PIK3C2B: variants seen among roughly 807,000 people sequenced by gnomAD.
PIK3C2B encodes the protein phosphatidylinositol-4-phosphate 3-kinase catalytic subunit type 2 beta.
In PIK3C2B, 83 loss-of-function variants were observed where a neutral mutation model predicts 184.3. The observed-to-expected ratio is 0.45, with a 90% CI of 0.38 to 0.54. PIK3C2B has a LOEUF of 0.54. Among genes scored for constraint, PIK3C2B ranks in the 20% least tolerant of loss-of-function variants. The pLI, the probability that PIK3C2B is intolerant of heterozygous loss-of-function variation, is 0.00. For missense variants in PIK3C2B, 1,736 were observed against 2,113.5 expected (o/e 0.82, Z 3.50); for synonymous variants, 779 against 837.6 (o/e 0.93, Z 1.21).
chr1:204,472,501 G>C (rs990325413), intron 1 of PIK3C2B, among the ~76,000 whole-genome samples: 1 of 149,248 alleles, frequency 6.7e-6, no homozygotes, highest in African/African-American at 2.4e-5. Context: ...AAGCCCGGCC[G>C]GATACGGTGG....
intron 13 of PIK3C2B, 60 bp from the exon 14 acceptor site, chr1:204,449,356 TG>T: frequency 3.2e-6 from 4 of 1,267,452 alleles, no homozygotes; most frequent in Non-Finnish European, 4.5e-6. Flanking sequence ...ATATTTCTAC[TG>T]CTCCCCCAAT....
rs368793162 is a variant in PIK3C2B at position 204,447,529 on chromosome 1, C to G, written c.2396G>C (p.Gly799Ala). 1 of 1,611,206 alleles carries G rather than the reference C, an allele frequency of 6.2e-7. No individual in the cohort carries two copies. Among genetic ancestry groups the G allele is most frequent in the Non-Finnish European group, 8.5e-7 (1 of 1,178,146 alleles). ...AFDIKFTSPP[G>A]DKFSPRYEFG... ...CTCATAGCGGGGGCTGAACTTGTCTCCAGGGGGGCTGGTGAACTTGATGTC... is the reference window on the plus strand; with the variant it reads ...CTCATAGCGGGGGCTGAACTTGTCTGCAGGGGGGCTGGTGAACTTGATGTC... Residue 799 changes from glycine (G) to alanine (A), a missense_variant, in exon 15 of 33, where the codon GGA becomes GCA. By Grantham distance (60) the Gly-to-Ala change is moderately conservative. Around this residue, in one of 8 missense-constraint regions of PIK3C2B, gnomAD observed 609 missense variants for 699.2 expected, o/e 0.87. Transcript: ENST00000684373. This position sits in a 1 kb window ranked among gnomAD's most constrained non-coding sequence, Gnocchi z 4.1.
At chr1:204,463,904 G>T in intron 5 of PIK3C2B, 108 bp downstream of exon 5, 2 of 1,128,132 alleles carry the variant, frequency 1.8e-6, no homozygotes, top group Non-Finnish European at 2.6e-6. Context: ...AGTCTTGACT[G>T]TGGGATTGGG....
chr1:204,441,698 C>T (rs988674465), intron 20 of PIK3C2B, 135 bp from the exon 21 acceptor site: 13 of 562,654 alleles, frequency 2.3e-5, no homozygotes, highest in Admixed American at 3.2e-5. Context: ...TTGTTTCTTC[C>T]GGATTTCCCA....
chr1:204,438,677 A>G (rs1447512496), intron 23 of PIK3C2B, among the ~76,000 whole-genome samples: 2 of 152,214 alleles, frequency 1.3e-5, no homozygotes, highest in Non-Finnish European at 2.9e-5. Flanking sequence ...GCCTCCTCCA[A>G]GACTTAATCT....
At chr1:204,434,344 A>G in intron 24 of PIK3C2B, 95 bp downstream of exon 24, 1 of 1,119,442 alleles carries the variant, frequency 8.9e-7, no homozygotes, top group Non-Finnish European at 1.3e-6. Context: ...TCTGAGGCCC[A>G]GCTGCTTCCA....
intron 22 of PIK3C2B, among the ~76,000 whole-genome samples, chr1:204,439,732 T>G (rs1675543023): frequency 6.6e-6 from 1 of 152,188 alleles, no homozygotes; most frequent in East Asian, 1.9e-4. Flanking sequence ...ATTCCTGGAC[T>G]CAAGCGATCC....
chr1:204,432,778 C>T (rs1675136646), intron 26 of PIK3C2B, among the ~76,000 whole-genome samples: 1 of 152,162 alleles, frequency 6.6e-6, no homozygotes, highest in South Asian at 2.1e-4. Context: ...GGGAGAGGTC[C>T]TGTGTTAGGA....
chr1:204,444,248 G>T (rs1434172320), intron 17 of PIK3C2B, 83 bp downstream of exon 17: 2 of 1,441,870 alleles, frequency 1.4e-6, no homozygotes, highest in Non-Finnish European at 9.8e-7. Context: ...TGGGATCTCT[G>T]GTTTCTAAGG....
chr1:204,453,423 CATATTT>C (rs1406204999), intron 12 of PIK3C2B, among the ~76,000 whole-genome samples: 2 of 152,330 alleles, frequency 1.3e-5, no homozygotes, highest in South Asian at 2.1e-4. Flanking sequence ...CTTTTGGTTT[CATATTT>C]ATATTTATAA....
chr1:204,425,161 C>T, intron 32 of PIK3C2B, 121 bp from the exon 33 acceptor site: 2 of 722,166 alleles, frequency 2.8e-6, no homozygotes, highest in South Asian at 1.8e-5. Context: ...CTAGCACTCA[C>T]CCTGCAGAGT....
chr1:204,443,793 TC>T (rs1653596918), intron 18 of PIK3C2B, among the ~76,000 whole-genome samples, 196 bp from the exon 19 acceptor site: 1 of 152,214 alleles, frequency 6.6e-6, no homozygotes, highest in South Asian at 2.1e-4. Context: ...CCTCACTCTG[TC>T]TTTAAGTAGA....
intron 10 of PIK3C2B, 133 bp downstream of exon 10, chr1:204,456,904 A>ACACACACC: frequency 4.8e-6 from 1 of 207,586 alleles, no homozygotes; most frequent in South Asian, 6.5e-5. Context: ...ACACACACAC[A>ACACACACC]CACCCACACA....
intron 1 of PIK3C2B, among the ~76,000 whole-genome samples, chr1:204,488,049 A>C (rs1344924787): frequency 2.0e-5 from 3 of 152,170 alleles, no homozygotes; most frequent in Non-Finnish European, 4.4e-5. Context: ...TTTACAACAA[A>C]TTTTGTCTGG....
intron 11 of PIK3C2B, 88 bp from the exon 12 acceptor site, chr1:204,454,879 T>C: frequency 2.8e-6 from 4 of 1,440,332 alleles, no homozygotes; most frequent in Non-Finnish European, 3.7e-6. Context: ...AAAATCCATT[T>C]CCCCTGGTAA....
intron 1 of PIK3C2B, among the ~76,000 whole-genome samples, chr1:204,491,314 G>A (rs553840251): frequency 6.6e-6 from 1 of 152,052 alleles, no homozygotes; most frequent in African/African-American, 2.4e-5. Flanking sequence ...CCTTGAACCT[G>A]GGAGACGGAG....
In PIK3C2B at chr1:204,476,495, G is replaced by A. The variant is rs150658845; in HGVS notation, c.-84-6609C>T. Among the ~76,000 whole-genome samples the A allele has an allele frequency of 5.2e-3, 789 of 152,302 alleles. 9 individuals are homozygous for A. The highest frequency in any genetic ancestry group is 0.017 in the African/African-American group (695 of 41,556). ...TGGGAGTTTGAGGCTACAGTGAGCC[G>A]TGATCGTGCCATTGCACTCCAGTCT... On this transcript the variant is annotated intron_variant, in intron 1 of 32. Transcript: ENST00000684373.
chr1:204,469,106 CATT>C lies in PIK3C2B; in HGVS notation c.694_696del (p.Asn232del), dbSNP rs749753351. On this transcript the variant is annotated inframe_deletion, in exon 2 of 33. Transcript: ENST00000684373. ...TTCAAGTTGAGCCTAGTAATTGCAT[CATT>C]GATACCATCATAGTCCACAGACCCC... is the stretch of plus-strand genomic sequence containing the variant. The C allele has an allele frequency of 1.4e-3, 2,223 of 1,614,098 alleles. 2 individuals carry two copies. Among genetic ancestry groups the C allele is most frequent in the Non-Finnish European group, 1.7e-3 (2,029 of 1,180,034 alleles).
At chr1:204,478,662 T>TCTCTA (rs1553310678) in intron 1 of PIK3C2B, among the ~76,000 whole-genome samples, 1 of 152,160 alleles carries the variant, frequency 6.6e-6, no homozygotes, top group Non-Finnish European at 1.5e-5. Context: ...ATACATCCCC[T>TCTCTA]CTCTAGTGAC....
Sources: allele counts gnomAD v4.1 joint callset (sites outside exome capture counted in the v4.1 genomes callset), GRCh38; gene constraint gnomAD v4.1.1; regional missense constraint gnomAD v4.1.1; non-coding constraint Gnocchi (gnomAD v3.1); transcripts MANE v1.5; gene names NCBI Gene and HGNC (gene_info 2026-07-23, HGNC 2026-07-21).